The following PTPRD variants were observed in gnomAD, a reference collection of about 807,000 sequenced individuals.
PTPRD encodes protein tyrosine phosphatase receptor type D, also known as receptor-type tyrosine-protein phosphatase delta.
PTPRD carries 34 observed loss-of-function variants against 214.5 expected under a neutral mutation model. The observed-to-expected ratio is 0.16, with a 90% CI of 0.12 to 0.21. The LOEUF (loss-of-function observed/expected upper bound fraction) is 0.21. PTPRD is among the 10% of genes least tolerant of loss of function. The pLI, the probability that PTPRD is intolerant of heterozygous loss-of-function variation, is 1.00. For missense variants in PTPRD, 2,545 were observed against 2,398.7 expected (o/e 1.06, Z -1.27); for synonymous variants, 1,128 against 845.7 (o/e 1.33, Z -5.79).
intron 11 of PTPRD, among the ~76,000 whole-genome samples, chr9:8,846,300 C>A (rs564697914): frequency 6.6e-6 from 1 of 152,262 alleles, no homozygotes; most frequent in East Asian, 1.9e-4. Context: ...TCTGGGCACA[C>A]TAATTTGTTT....
At chr9:8,723,686 G>C (rs2098526284) in intron 12 of PTPRD, among the ~76,000 whole-genome samples, 1 of 152,120 alleles carries the variant, frequency 6.6e-6, no homozygotes, top group South Asian at 2.1e-4. Flanking sequence ...AGGTTTAAAT[G>C]ACTTTTAGTG....
At chr9:9,830,145 A>G (rs982460526) in intron 5 of PTPRD, among the ~76,000 whole-genome samples, 1 of 151,778 alleles carries the variant, frequency 6.6e-6, no homozygotes. Flanking sequence ...TTTACTTAAA[A>G]CTTTAATAAT....
intron 5 of PTPRD, among the ~76,000 whole-genome samples, chr9:9,786,419 T>A (rs2098924468): frequency 6.6e-6 from 1 of 152,226 alleles, no homozygotes; most frequent in African/African-American, 2.4e-5. Context: ...TAGATTTGTA[T>A]ATAATGGTAT....
intron 2 of PTPRD, among the ~76,000 whole-genome samples, chr9:10,388,011 G>A (rs975496250): frequency 1.3e-5 from 2 of 151,236 alleles, no homozygotes; most frequent in African/African-American, 2.4e-5. Flanking sequence ...AAATTCTCTA[G>A]AGTACACTGG....
intron 2 of PTPRD, among the ~76,000 whole-genome samples, chr9:10,373,126 C>T (rs1220271584): frequency 2.0e-5 from 3 of 148,696 alleles, no homozygotes; most frequent in Non-Finnish European, 3.0e-5. Context: ...GTCACTGTGC[C>T]CGGCCTGTCT....
chr9:8,569,761 AGTTT>A (rs1564417646), intron 14 of PTPRD, among the ~76,000 whole-genome samples: 1 of 151,244 alleles, frequency 6.6e-6, no homozygotes. Flanking sequence ...TATCAAAGAA[AGTTT>A]GTTTATTATT....
chr9:9,795,230 AGAGAAATATTT>A (rs2153484853), intron 5 of PTPRD, among the ~76,000 whole-genome samples: 1 of 152,366 alleles, frequency 6.6e-6, no homozygotes, highest in South Asian at 2.1e-4. Context: ...AGATCTGGAT[AGAGAAATATTT>A]GAGAATATAT....
chr9:8,716,352 T>C (rs2098436244), intron 12 of PTPRD, among the ~76,000 whole-genome samples: 2 of 152,232 alleles, frequency 1.3e-5, no homozygotes, highest in Admixed American at 1.3e-4. Flanking sequence ...ACTTCAAATG[T>C]GTCCTTCTGC....
intron 2 of PTPRD, among the ~76,000 whole-genome samples, chr9:10,586,413 T>C (rs1030603848): frequency 6.6e-6 from 1 of 151,664 alleles, no homozygotes; most frequent in Non-Finnish European, 1.5e-5. Context: ...AAAAGTGAAA[T>C]AGAAAAGAGC....
At position 8,792,610 on chromosome 9, in the gene PTPRD, G is replaced by C. The variant is rs190326314; in HGVS notation, c.-103-58664C>G. The stretch of plus-strand genomic sequence containing the variant: ...AAATCTGCCCCAGCTGAGAAGAGGG[G>C]CTTGTCATAGCCTTTCCGTTGTTGT... On this transcript the variant is annotated intron_variant, in intron 11 of 45. Transcript: ENST00000381196. Among the ~76,000 whole-genome samples the C allele has an allele frequency of 9.9e-5, 15 of 152,270 alleles. No homozygotes were observed. The East Asian group carries it at 2.9e-3, about 29-fold the overall frequency.
chr9:10,187,720 G>A (rs1432698605), intron 3 of PTPRD, among the ~76,000 whole-genome samples: 5 of 152,190 alleles, frequency 3.3e-5, no homozygotes, highest in Non-Finnish European at 7.4e-5. Context: ...TTAGAAAGAT[G>A]CTCCTCTGCT....
chr9:10,052,621 T>C (rs1348963368), intron 3 of PTPRD, among the ~76,000 whole-genome samples: 1 of 152,200 alleles, frequency 6.6e-6, no homozygotes, highest in Non-Finnish European at 1.5e-5. Context: ...TCTCTATTTA[T>C]ATTTTTTTAC....
At chr9:9,114,403 A>C (rs1042210156) in intron 10 of PTPRD, among the ~76,000 whole-genome samples, 1 of 152,150 alleles carries the variant, frequency 6.6e-6, no homozygotes, top group Non-Finnish European at 1.5e-5. Flanking sequence ...GGAAAATCCT[A>C]TTCAGGGCTT....
chr9:9,701,123 C>G (rs1218590410), intron 7 of PTPRD, among the ~76,000 whole-genome samples: 1 of 151,920 alleles, frequency 6.6e-6, no homozygotes, highest in Non-Finnish European at 1.5e-5. Context: ...AGCTCATACA[C>G]AGGCATTGAG....
intron 2 of PTPRD, among the ~76,000 whole-genome samples, chr9:10,591,394 G>A (rs948758727): frequency 6.6e-6 from 1 of 152,006 alleles, no homozygotes; most frequent in African/African-American, 2.4e-5. Flanking sequence ...TGCTCTTGTG[G>A]AGCTATCTTA....
intron 10 of PTPRD, among the ~76,000 whole-genome samples, chr9:9,158,074 T>C (rs1038159216): frequency 1.3e-5 from 2 of 152,204 alleles, no homozygotes; most frequent in African/African-American, 4.8e-5. Context: ...CTGCATAGTA[T>C]TCCATGGTAT....
intron 3 of PTPRD, among the ~76,000 whole-genome samples, chr9:10,206,801 A>G (rs1187409762): frequency 1.3e-5 from 2 of 152,164 alleles, no homozygotes. Context: ...ATAAATCATT[A>G]GTAGCTACAT....
At chr9:8,547,643 A>T (rs907072853) in intron 14 of PTPRD, among the ~76,000 whole-genome samples, 2 of 130,670 alleles carry the variant, frequency 1.5e-5, no homozygotes, top group African/African-American at 7.3e-5. Flanking sequence ...ATCCTATTTA[A>T]AAAAAAAAAA....
chr9:9,924,177 G>A (rs377598102), intron 5 of PTPRD, among the ~76,000 whole-genome samples: 60 of 152,098 alleles, frequency 3.9e-4, no homozygotes, highest in Middle Eastern at 3.4e-3. Flanking sequence ...AAAGAGTCCT[G>A]TAATTGGTGC....
Sources: gnomAD v4.1 joint callset for allele counts (sites outside exome capture counted in the v4.1 genomes callset) on GRCh38, gnomAD v4.1.1 for gene constraint, MANE v1.5 for transcripts, NCBI Gene and HGNC (gene_info 2026-07-23, HGNC 2026-07-21) for gene names.